The following CNTN4 variants were observed in gnomAD, a reference collection of about 807,000 sequenced individuals.
CNTN4 encodes the protein contactin 4.
CNTN4 carries 77 observed loss-of-function variants against 122.5 expected under a neutral mutation model. The ratio of observed to expected loss-of-function variants is 0.63; its 90% CI spans 0.52 to 0.76. The LOEUF (loss-of-function observed/expected upper bound fraction) is 0.76. CNTN4 is among the 30% of genes least tolerant of loss of function. The pLI, the probability that CNTN4 is intolerant of heterozygous loss-of-function variation, is 0.00. For missense variants in CNTN4, 1,256 were observed against 1,259.1 expected (o/e 1.00, Z 0.04); for synonymous variants, 512 against 447.0 (o/e 1.15, Z -1.83).
intron 2 of CNTN4, among the ~76,000 whole-genome samples, chr3:2,230,598 C>T (rs1226301551): frequency 1.3e-5 from 2 of 152,078 alleles, no homozygotes; most frequent in Non-Finnish European, 2.9e-5. Flanking sequence ...ATCACTGGAA[C>T]CATCAAAGCA....
At chr3:2,389,984 A>G (rs948544697) in intron 3 of CNTN4, among the ~76,000 whole-genome samples, 1 of 152,234 alleles carries the variant, frequency 6.6e-6, no homozygotes, top group South Asian at 2.1e-4. Context: ...TGTCAAGTGT[A>G]TATGAACTAT....
At chr3:2,405,070 T>C (rs1424839546) in intron 3 of CNTN4, among the ~76,000 whole-genome samples, 2 of 152,340 alleles carry the variant, frequency 1.3e-5, no homozygotes, top group African/African-American at 2.4e-5. Flanking sequence ...GCCCTTATTT[T>C]ATTCTTTCTG....
At chr3:2,364,499 C>T (rs1282983095) in intron 3 of CNTN4, among the ~76,000 whole-genome samples, 1 of 152,028 alleles carries the variant, frequency 6.6e-6, no homozygotes, top group Non-Finnish European at 1.5e-5. Context: ...TAAAAAACCT[C>T]TCAAATGTTA....
At chr3:2,899,811 G>C (rs2094153573) in intron 10 of CNTN4, among the ~76,000 whole-genome samples, 1 of 152,022 alleles carries the variant, frequency 6.6e-6, no homozygotes, top group Non-Finnish European at 1.5e-5. Context: ...TAAAGATTTG[G>C]GGTTCTAGGG....
intron 2 of CNTN4, among the ~76,000 whole-genome samples, chr3:2,164,093 G>C (rs139207977): frequency 7.9e-4 from 120 of 152,056 alleles, no homozygotes; most frequent in African/African-American, 2.7e-3. Flanking sequence ...TGGGTGATGA[G>C]TGCACCAAAA....
intron 4 of CNTN4, among the ~76,000 whole-genome samples, chr3:2,666,240 T>C (rs1314059985): frequency 1.3e-5 from 2 of 152,202 alleles, no homozygotes; most frequent in African/African-American, 4.8e-5. Context: ...TGCCAGCTAT[T>C]TTGGGTATTA....
chr3:3,032,504 C>A (rs1382974905), intron 16 of CNTN4, among the ~76,000 whole-genome samples: 1 of 152,226 alleles, frequency 6.6e-6, no homozygotes, highest in Non-Finnish European at 1.5e-5. Flanking sequence ...CCATTTAAAA[C>A]CATAATCTTT....
At chr3:2,792,161 C>G (rs1287729219) in intron 6 of CNTN4, among the ~76,000 whole-genome samples, 1 of 152,168 alleles carries the variant, frequency 6.6e-6, no homozygotes, top group Non-Finnish European at 1.5e-5. Context: ...ACTCATGCAT[C>G]CCAGCACTTA....
chr3:2,985,542 G>A (rs893253465), intron 13 of CNTN4: 2 of 152,370 alleles, frequency 1.3e-5, no homozygotes, highest in East Asian at 1.9e-4. Context: ...CAACAGCAAT[G>A]GTTAGGCCTA....
intron 3 of CNTN4, among the ~76,000 whole-genome samples, chr3:2,526,719 A>G (rs35792972): frequency 0.12 from 18,412 of 152,138 alleles, 1,423 homozygotes; most frequent in Non-Finnish European, 0.18. Flanking sequence ...ATTTTGATAT[A>G]AAAATATCTT....
At chr3:2,291,954 T>C (rs2042151574) in intron 2 of CNTN4, among the ~76,000 whole-genome samples, 1 of 152,168 alleles carries the variant, frequency 6.6e-6, no homozygotes, top group Non-Finnish European at 1.5e-5. Context: ...CAGGCTGGTC[T>C]CGAACTCCTG....
chr3:2,531,918 T>G (rs1340692120), intron 3 of CNTN4, among the ~76,000 whole-genome samples: 1 of 152,184 alleles, frequency 6.6e-6, no homozygotes, highest in Non-Finnish European at 1.5e-5. Context: ...TACTTGATCT[T>G]GTAAGAGAAA....
rs538080103 is a variant in CNTN4 at position 2,840,457 on chromosome 3, T to C, written c.454+20876T>C. 8.0e-5 allele frequency among the ~76,000 whole-genome samples: 12 copies of C among 150,464 alleles called. No homozygotes were observed. The East Asian group carries it at 9.9e-4, about 12-fold the overall frequency. On this transcript the variant is annotated intron_variant, in intron 7 of 24. Coordinates refer to ENST00000418658, the MANE Select transcript of CNTN4 (RefSeq NM_175607.3). ...GGCTCACGCCTGTCATCCCAGCACTTTGGGAGGCCGAGGCGGGCGGATCAC... is the reference window on the plus strand; with the variant it reads ...GGCTCACGCCTGTCATCCCAGCACTCTGGGAGGCCGAGGCGGGCGGATCAC...
intron 3 of CNTN4, among the ~76,000 whole-genome samples, chr3:2,550,738 G>C (rs2078464957): frequency 6.6e-6 from 1 of 152,042 alleles, no homozygotes; most frequent in African/African-American, 2.4e-5. Context: ...AAGAAAATGT[G>C]GCACATATAT....
At chr3:2,745,321 A>G (rs1318149210) in intron 5 of CNTN4, among the ~76,000 whole-genome samples, 1 of 152,202 alleles carries the variant, frequency 6.6e-6, no homozygotes, top group Admixed American at 6.5e-5. Flanking sequence ...ATCATTGTTT[A>G]CTTTAAAAGA....
chr3:2,830,671 C>T (rs905661041), intron 7 of CNTN4, among the ~76,000 whole-genome samples: 2 of 152,152 alleles, frequency 1.3e-5, no homozygotes, highest in Admixed American at 6.6e-5. Flanking sequence ...TCTGGCTGAG[C>T]GTTTCATAAA....
intron 4 of CNTN4, among the ~76,000 whole-genome samples, chr3:2,643,573 C>G (rs1209978476): frequency 1.3e-5 from 2 of 152,022 alleles, no homozygotes; most frequent in Non-Finnish European, 2.9e-5. Flanking sequence ...CAAAACTGTG[C>G]GAGATGCTGA....
At chr3:2,850,964 C>A (rs531456466) in intron 7 of CNTN4, among the ~76,000 whole-genome samples, 14 of 152,040 alleles carry the variant, frequency 9.2e-5, no homozygotes, top group Non-Finnish European at 1.9e-4. Flanking sequence ...AGGAAGGGAG[C>A]CTGAGAGAGG....
At chr3:2,886,923 T>C (rs554829681) in intron 9 of CNTN4, 117 bp from the exon 10 acceptor site, 4 of 751,564 alleles carry the variant, frequency 5.3e-6, no homozygotes, top group African/African-American at 3.5e-5. Context: ...GAGGAATGAA[T>C]GAAGTTTGCA....
Sources: gnomAD v4.1 joint callset for allele counts (sites outside exome capture counted in the v4.1 genomes callset) on GRCh38, gnomAD v4.1.1 for gene constraint, MANE v1.5 for transcripts, NCBI Gene and HGNC (gene_info 2026-07-23, HGNC 2026-07-21) for gene names.